The following SNTB1 variants were observed in gnomAD, a reference collection of about 807,000 sequenced individuals.
SNTB1 encodes the protein syntrophin beta 1, also known as beta-1-syntrophin.
SNTB1 carries 36 observed loss-of-function variants against 48.9 expected under a neutral mutation model. That is an observed-to-expected ratio of 0.74 (90% CI 0.56 to 0.97). SNTB1 has a LOEUF of 0.97. Among genes scored for constraint, SNTB1 ranks in the 50% least tolerant of loss-of-function variants. SNTB1 has a pLI of 0.00. For missense variants in SNTB1, 786 were observed against 703.4 expected, an observed-to-expected ratio of 1.12 and a Z score of -1.33; for synonymous variants, 299 against 294.6, an observed-to-expected ratio of 1.01 and a Z score of -0.15.
intron 1 of SNTB1, among the ~76,000 whole-genome samples, chr8:120,755,171 T>A (rs144590446): frequency 0.2 from 18,760 of 92,774 alleles, 1,503 homozygotes; most frequent in East Asian, 0.54. Context: ...TGTGTGTGTG[T>A]GAGAGAGAGA....
At chr8:120,708,034 G>A (rs1255832309) in intron 1 of SNTB1, among the ~76,000 whole-genome samples, 1 of 151,740 alleles carries the variant, frequency 6.6e-6, no homozygotes, top group Non-Finnish European at 1.5e-5. Context: ...TGTCACATTT[G>A]ATGAAAATAA....
chr8:120,564,350 T>C (rs1815714438), intron 4 of SNTB1, among the ~76,000 whole-genome samples: 1 of 150,864 alleles, frequency 6.6e-6, no homozygotes, highest in South Asian at 2.1e-4. Flanking sequence ...TACAGGTCAT[T>C]TGAGAACATT....
intron 1 of SNTB1, among the ~76,000 whole-genome samples, chr8:120,797,120 T>C (rs1820131328): frequency 6.6e-6 from 1 of 152,046 alleles, no homozygotes; most frequent in African/African-American, 2.4e-5. Context: ...TTGGAATAGC[T>C]GTAGAAACTT....
intron 3 of SNTB1, among the ~76,000 whole-genome samples, chr8:120,584,076 G>A (rs188538693): frequency 2.0e-5 from 3 of 152,332 alleles, no homozygotes; most frequent in Admixed American, 6.5e-5. Flanking sequence ...CACCTTGGGA[G>A]ACCGAGGTAG....
chr8:120,582,013 C>T (rs1400927955), intron 3 of SNTB1, among the ~76,000 whole-genome samples: 1 of 152,050 alleles, frequency 6.6e-6, no homozygotes, highest in East Asian at 1.9e-4. Context: ...CCAGCCTGGG[C>T]AACAAGAGTG....
intron 5 of SNTB1, among the ~76,000 whole-genome samples, chr8:120,542,800 T>C (rs1367364739): frequency 1.3e-5 from 2 of 152,024 alleles, no homozygotes; most frequent in Non-Finnish European, 2.9e-5. Flanking sequence ...CAAAATTAAC[T>C]AACGTAAATA....
chr8:120,665,897 ACTCC>A (rs1436015497), intron 2 of SNTB1, among the ~76,000 whole-genome samples: 1 of 151,886 alleles, frequency 6.6e-6, no homozygotes, highest in Non-Finnish European at 1.5e-5. Context: ...CCACTTCTGG[ACTCC>A]CTATTAGGTT....
Position 120,750,979 on chromosome 8 carries a change from T to C in SNTB1, c.572-57071A>G, listed in dbSNP as rs192707544. 1.0e-3 allele frequency among the ~76,000 whole-genome samples: 157 copies of C among 152,252 alleles called. 1 individual carries two copies. The highest frequency in any genetic ancestry group is 3.6e-3 in the African/African-American group (151 of 41,560). ...CAATCAGCCTGCTACTTAACTATTA[T>C]GACGTTGTCTTCTAAGAAGCAGAAA... On this transcript the variant is annotated intron_variant, in intron 1 of 6. Transcript: ENST00000517992.
chr8:120,811,814 A>AGCC lies in SNTB1; in HGVS notation c.27_29dup (p.Ala10dup), dbSNP rs547154887. On this transcript the variant is annotated inframe_insertion, in exon 1 of 7. Transcript: ENST00000517992. The stretch of plus-strand genomic sequence containing the variant: ...GGCCGCCTCCCGCGCCAGCCGGCCC[A>AGCC]GCCGCCGCCGCCGCCGCCGCTACCG... The AGCC allele has an allele frequency of 1.7e-3, 2,293 of 1,354,040 alleles. 18 individuals carry two copies. In the African/African-American group the frequency reaches 0.023, roughly 13 times the overall value. 83.9% of individuals were successfully genotyped at this position (1,354,040 alleles called of 1,614,324 possible). A position where few individuals can be genotyped will look rare whatever the true frequency, so the allele number is the denominator to read the frequency against.
intron 4 of SNTB1, among the ~76,000 whole-genome samples, chr8:120,563,918 C>A (rs1815704616): frequency 6.6e-6 from 1 of 152,006 alleles, no homozygotes; most frequent in South Asian, 2.1e-4. Flanking sequence ...ACCAGTCTGA[C>A]CAACATGGTG....
intron 1 of SNTB1, among the ~76,000 whole-genome samples, chr8:120,765,437 T>G (rs1465144661): frequency 6.6e-6 from 1 of 152,224 alleles, no homozygotes; most frequent in Non-Finnish European, 1.5e-5. Context: ...TGAGTCCATT[T>G]TGTGCTTCTG....
intron 3 of SNTB1, among the ~76,000 whole-genome samples, chr8:120,585,915 T>A (rs1816131709): frequency 6.6e-6 from 1 of 152,232 alleles, no homozygotes; most frequent in African/African-American, 2.4e-5. Flanking sequence ...AGTTAGGCTG[T>A]GAAACAGCAT....
intron 1 of SNTB1, among the ~76,000 whole-genome samples, chr8:120,735,090 A>G (rs58528057): frequency 0.13 from 20,167 of 152,196 alleles, 1,769 homozygotes; most frequent in African/African-American, 0.24. Flanking sequence ...GAAAAGTGTC[A>G]TTGCTCTGGT....
At chr8:120,698,059 C>T (rs1040568991) in intron 1 of SNTB1, among the ~76,000 whole-genome samples, 1 of 152,024 alleles carries the variant, frequency 6.6e-6, no homozygotes, top group Admixed American at 6.6e-5. Flanking sequence ...TAAGGTATAG[C>T]GAATATGGCA....
chr8:120,600,243 C>T (rs953264934), intron 3 of SNTB1, among the ~76,000 whole-genome samples: 1 of 152,238 alleles, frequency 6.6e-6, no homozygotes. Context: ...GCACCTCCTG[C>T]TTTCATGCAC....
chr8:120,546,540 A>G (rs889523065), intron 5 of SNTB1, among the ~76,000 whole-genome samples: 7 of 152,062 alleles, frequency 4.6e-5, no homozygotes, highest in African/African-American at 1.7e-4. Context: ...CAGTGGCATG[A>G]TTTTGGCTCA....
At position 120,762,812 on chromosome 8, in the gene SNTB1, C is replaced by T. The variant is rs1042465130; in HGVS notation, c.571+48461G>A. Reference sequence around the variant, plus strand: ...CAGTGTGCACTCAATAAATGCTTGCCGAAAGAAAAAAAATACTAGGCAATG... The same window carrying T: ...CAGTGTGCACTCAATAAATGCTTGCTGAAAGAAAAAAAATACTAGGCAATG... On this transcript the variant is annotated intron_variant, in intron 1 of 6. Transcript: ENST00000517992. Among the ~76,000 whole-genome samples the T allele has an allele frequency of 4.0e-5, 6 of 151,354 alleles. No homozygotes were observed. In the East Asian group the frequency reaches 7.7e-4, roughly 20 times the overall value.
intron 1 of SNTB1, among the ~76,000 whole-genome samples, chr8:120,713,171 C>T (rs933596486): frequency 6.6e-6 from 1 of 152,130 alleles, no homozygotes; most frequent in South Asian, 2.1e-4. Context: ...CTCATTTCAT[C>T]TTTCTAAAGT....
At chr8:120,556,822 C>A (rs929003167) in intron 4 of SNTB1, among the ~76,000 whole-genome samples, 2 of 152,236 alleles carry the variant, frequency 1.3e-5, no homozygotes, top group Non-Finnish European at 2.9e-5. Context: ...TACCAACTCC[C>A]AGCCAATAAA....
Sources: allele counts gnomAD v4.1 joint callset (sites outside exome capture counted in the v4.1 genomes callset), GRCh38; gene constraint gnomAD v4.1.1; transcripts MANE v1.5; gene names NCBI Gene and HGNC (gene_info 2026-07-23, HGNC 2026-07-21).